FZD6: variants seen among roughly 807,000 people sequenced by gnomAD.
The protein encoded by FZD6 is frizzled-6.
Under a neutral mutation model 61.4 loss-of-function variants are expected in FZD6, and 49 were observed. The ratio of observed to expected loss-of-function variants is 0.80; its 90% confidence interval spans 0.63 to 1.01. FZD6 has a LOEUF of 1.01. Ranked by LOEUF, FZD6 falls within the 50% of genes least tolerant of loss-of-function variation. FZD6 has a pLI of 0.00. For missense variants in FZD6, 724 were observed against 848.2 expected (o/e 0.85, Z 1.82); for synonymous variants, 265 against 292.2 (o/e 0.91, Z 0.95).
chr8:103,317,140 G>A (rs1187067156), intron 2 of FZD6, among the ~76,000 whole-genome samples: 1 of 152,202 alleles, frequency 6.6e-6, no homozygotes, highest in Non-Finnish European at 1.5e-5. Flanking sequence ...ACTCAAATGA[G>A]GGCACAAGAC....
chr8:103,320,594 T>G (rs1291855196), intron 3 of FZD6, among the ~76,000 whole-genome samples: 2 of 152,078 alleles, frequency 1.3e-5, no homozygotes, highest in East Asian at 3.9e-4. Context: ...CAATGAGGTT[T>G]TTTTTTTAAA....
At chr8:103,298,793 C>CGCCGCCGCT (rs1814050594), upstream of FZD6, 1 of 165,280 alleles carries the variant, frequency 6.1e-6, no homozygotes, top group South Asian at 1.7e-4. Context: ...CCGCCGCCGC[C>CGCCGCCGCT]GCCGCCGCCG....
intron 2 of FZD6, among the ~76,000 whole-genome samples, chr8:103,311,930 A>G (rs1016176145): frequency 1.3e-5 from 2 of 152,220 alleles, no homozygotes; most frequent in Non-Finnish European, 2.9e-5. Flanking sequence ...TAGCACAGGT[A>G]GTTAAACTAA....
At chr8:103,311,238 T>A (rs1445853903) in intron 2 of FZD6, among the ~76,000 whole-genome samples, 1 of 152,192 alleles carries the variant, frequency 6.6e-6, no homozygotes, top group Non-Finnish European at 1.5e-5. Flanking sequence ...TGCAGCTTCC[T>A]CAAATAATCT....
rs148492433 is a variant in FZD6, at chr8:103,320,456, A to G, written c.374+1670A>G. Among the ~76,000 whole-genome samples the G allele has an allele frequency of 1.5e-3, 231 of 152,246 alleles. 1 individual carries two copies. Among genetic ancestry groups the G allele is most frequent in the Admixed American group, 0.012 (186 of 15,286 alleles). On this transcript the variant is annotated intron_variant, in intron 3 of 6. Transcript: ENST00000358755. Reference sequence around the variant, plus strand: ...GGATTCAGTGCAAAGATAAAGGTGCACTAAAAAATGAAGGATAATGAGAAG... The same window carrying G: ...GGATTCAGTGCAAAGATAAAGGTGCGCTAAAAAATGAAGGATAATGAGAAG...
intron 2 of FZD6, among the ~76,000 whole-genome samples, chr8:103,309,674 A>G (rs1310319844): frequency 1.3e-5 from 2 of 152,212 alleles, no homozygotes; most frequent in Non-Finnish European, 2.9e-5. Context: ...AGGTGTACAT[A>G]CATGGACTTG....
At chr8:103,301,405 T>C (rs1029011553) in intron 2 of FZD6, among the ~76,000 whole-genome samples, 3 of 152,240 alleles carry the variant, frequency 2.0e-5, no homozygotes, top group Non-Finnish European at 4.4e-5. Context: ...TGGTTCAATC[T>C]GATTCAATAT....
intron 2 of FZD6, among the ~76,000 whole-genome samples, chr8:103,309,213 G>T (rs1301054389): frequency 6.6e-6 from 1 of 152,222 alleles, no homozygotes; most frequent in Non-Finnish European, 1.5e-5. Context: ...AGGGGATGCT[G>T]ATGCTGCTCA....
intron 2 of FZD6, among the ~76,000 whole-genome samples, chr8:103,309,254 C>G (rs527569139): frequency 6.6e-6 from 1 of 152,338 alleles, no homozygotes; most frequent in East Asian, 1.9e-4. Flanking sequence ...AACCACTGCT[C>G]TAAGGCAAGT....
At chr8:103,330,160 T>TA in intron 6 of FZD6, 95 bp downstream of exon 6, 2 of 1,143,262 alleles carry the variant, frequency 1.7e-6, no homozygotes, top group Admixed American at 3.7e-5. Context: ...CATTTTGTGA[T>TA]ATATTATGTC....
chr8:103,301,192 A>G (rs77492003), intron 2 of FZD6, among the ~76,000 whole-genome samples: 2 of 152,278 alleles, frequency 1.3e-5, no homozygotes, highest in East Asian at 3.9e-4. Context: ...ATTGTTGTTC[A>G]GTTGAATAGT....
chr8:103,300,631 A>G (rs748244988), intron 2 of FZD6, among the ~76,000 whole-genome samples: 1 of 152,210 alleles, frequency 6.6e-6, no homozygotes, highest in Admixed American at 6.5e-5. Context: ...TTCACTGAAC[A>G]TGTAATATTT....
chr8:103,319,087 A>C (rs78628147), intron 3 of FZD6, among the ~76,000 whole-genome samples: 4,097 of 152,288 alleles, frequency 0.027, 80 homozygotes, highest in East Asian at 0.11. Flanking sequence ...AGATAATTCT[A>C]TGAGAATATA....
chr8:103,322,906 G>A (rs1157433438), intron 3 of FZD6, among the ~76,000 whole-genome samples: 2 of 151,992 alleles, frequency 1.3e-5, no homozygotes, highest in East Asian at 3.9e-4. Flanking sequence ...TTCTTTTAAT[G>A]GGAAAAAATC....
intron 2 of FZD6, among the ~76,000 whole-genome samples, chr8:103,317,346 T>C (rs1476998924): frequency 6.6e-6 from 1 of 152,234 alleles, no homozygotes; most frequent in African/African-American, 2.4e-5. Context: ...GAAAAGACTT[T>C]GGAATTTATT....
Position 103,331,767 on chromosome 8 carries a change from A to G in FZD6, c.*258A>G, listed in dbSNP as rs1815142508. ...AGTGTGGGAGGACAGAGTTAGAGGAATCTTCCTTTTCTATTTATGAAGATT... is the reference window on the plus strand; with the variant it reads ...AGTGTGGGAGGACAGAGTTAGAGGAGTCTTCCTTTTCTATTTATGAAGATT... On this transcript the variant is annotated 3_prime_UTR_variant, in exon 7 of 7. Transcript: ENST00000358755. 1 of 397,816 alleles carries G rather than the reference A, an allele frequency of 2.5e-6. No individual in the cohort carries two copies. The highest frequency in any genetic ancestry group is 4.7e-6 in the Non-Finnish European group (1 of 215,042). 24.6% of individuals were successfully genotyped at this position (397,816 alleles called of 1,614,324 possible).
At chr8:103,306,136 G>T (rs1213496353) in intron 2 of FZD6, among the ~76,000 whole-genome samples, 1 of 152,122 alleles carries the variant, frequency 6.6e-6, no homozygotes, top group African/African-American at 2.4e-5. Flanking sequence ...ATTTCCAAAG[G>T]TACTCTCTTC....
chr8:103,320,886 A>G (rs35935697), intron 3 of FZD6, among the ~76,000 whole-genome samples: 65,140 of 151,946 alleles, frequency 0.43, 14,548 homozygotes, highest in East Asian at 0.62. Context: ...GATTCATTCA[A>G]CTCATATTTC....
In FZD6 at chr8:103,324,775, T is replaced by A; in HGVS notation, c.669T>A (p.Asp223Glu). 6.2e-7 allele frequency: 1 copy of A among 1,613,652 alleles called. No homozygotes were observed. Among genetic ancestry groups the A allele is most frequent in the Non-Finnish European group, 8.5e-7 (1 of 1,179,558 alleles). ...TCACATTCCTTACTTTTTTAATTGA[T>A]GTTAGAAGATTCAGATACCCAGAGA... ...TLFTFLTFLI[D>E]VRRFRYPERP... The change falls in exon 4 of 7, where the codon GAT becomes GAA. Residue 223 changes from aspartate to glutamate, a missense_variant. Asp to Glu is a conservative substitution (Grantham distance 45). Coordinates refer to ENST00000358755, the MANE Select transcript of FZD6 (RefSeq NM_003506.4).
Sources: gnomAD v4.1 joint callset for allele counts (sites outside exome capture counted in the v4.1 genomes callset) on GRCh38, gnomAD v4.1.1 for gene constraint, MANE v1.5 for transcripts, NCBI Gene and HGNC (gene_info 2026-07-23, HGNC 2026-07-21) for gene names.